Variants in TRANK1 observed in about 807,000 individuals in gnomAD.
TRANK1 encodes TPR and ankyrin repeat-containing protein 1.
A neutral mutation model predicts 266.0 loss-of-function variants in TRANK1; 198 were observed. That is an observed-to-expected ratio of 0.74 (90% confidence interval 0.66 to 0.84). The LOEUF (loss-of-function observed/expected upper bound fraction) is 0.84. Among genes scored for constraint, TRANK1 ranks in the 40% least tolerant of loss-of-function variants. The probability of loss-of-function intolerance (pLI) is 0.00; values close to 1 mark genes in which losing one functional copy is unlikely to be tolerated. For missense variants in TRANK1, 3,326 were observed against 3,634.6 expected, an observed-to-expected ratio of 0.92 and a Z score of 2.18; for synonymous variants, 1,396 against 1,384.1, an observed-to-expected ratio of 1.01 and a Z score of -0.19.
At chr3:36,941,586 C>T (rs1246858446) in intron 1 of TRANK1, among the ~76,000 whole-genome samples, 1 of 151,882 alleles carries the variant, frequency 6.6e-6, no homozygotes, top group Non-Finnish European at 1.5e-5. Flanking sequence ...CCTTGCTAAC[C>T]TAAGGAGTGA....
intron 11 of TRANK1, among the ~76,000 whole-genome samples, chr3:36,860,227 T>C (rs768812961): frequency 1.1e-4 from 17 of 152,220 alleles, no homozygotes; most frequent in Non-Finnish European, 1.9e-4. Flanking sequence ...GGCCTATTTA[T>C]TCCCATTTTA....
chr3:36,871,031 A>C (rs2079301360), intron 9 of TRANK1, among the ~76,000 whole-genome samples: 1 of 152,010 alleles, frequency 6.6e-6, no homozygotes, highest in African/African-American at 2.4e-5. Context: ...ACTTAGGCCA[A>C]AGACTTTAAC....
intron 7 of TRANK1, among the ~76,000 whole-genome samples, chr3:36,890,516 C>T (rs182777786): frequency 1.3e-5 from 2 of 152,112 alleles, no homozygotes; most frequent in African/African-American, 2.4e-5. Flanking sequence ...TTTCTGTTGA[C>T]AAAGAGCAAC....
At chr3:36,879,809 TATGTA>T (rs1168884693) in intron 8 of TRANK1, among the ~76,000 whole-genome samples, 1 of 101,602 alleles carries the variant, frequency 9.8e-6, no homozygotes, top group Non-Finnish European at 1.9e-5. Flanking sequence ...TATACAAATA[TATGTA>T]AATATACAAA....
intron 1 of TRANK1, among the ~76,000 whole-genome samples, chr3:36,941,301 T>G (rs980404930): frequency 1.3e-5 from 2 of 152,118 alleles, no homozygotes; most frequent in Non-Finnish European, 1.5e-5. Flanking sequence ...AAGACAGATA[T>G]AGCTAAACCC....
chr3:36,935,445 CTTTTTTTTT>C (rs11374436), intron 1 of TRANK1, among the ~76,000 whole-genome samples: 1 of 83,720 alleles, frequency 1.2e-5, no homozygotes, highest in East Asian at 3.8e-4. Context: ...TGCCTGAATT[CTTTTTTTTT>C]TTTTTTTTTT....
At chr3:36,904,526 G>GA (rs60347042) in intron 2 of TRANK1, among the ~76,000 whole-genome samples, 23 of 144,410 alleles carry the variant, frequency 1.6e-4, no homozygotes, top group Admixed American at 4.1e-4. Flanking sequence ...CTCAAAAAAA[G>GA]AAAAAAAAAA....
chr3:36,907,220 G>A (rs1318869027), intron 2 of TRANK1, among the ~76,000 whole-genome samples: 1 of 152,110 alleles, frequency 6.6e-6, no homozygotes, highest in African/African-American at 2.4e-5. Flanking sequence ...GCACGATCTC[G>A]GCTCGCTGTA....
intron 15 of TRANK1, among the ~76,000 whole-genome samples, chr3:36,849,002 T>A (rs557348113): frequency 6.6e-6 from 1 of 152,202 alleles, no homozygotes; most frequent in East Asian, 1.9e-4. Flanking sequence ...GGTGGGGCCT[T>A]TTAGGAGTGC....
In TRANK1 at chr3:36,864,590, G is replaced by A. The variant is rs1000097432; in HGVS notation, c.1079-110C>T. The A allele has an allele frequency of 2.7e-5, 27 of 1,006,570 alleles. No individual in the cohort carries two copies. The African/African-American group carries it at 3.8e-4, about 14-fold the overall frequency. 62.4% of individuals were successfully genotyped at this position (1,006,570 alleles called of 1,614,324 possible). A position where few individuals can be genotyped will look rare whatever the true frequency, so the allele number is the denominator to read the frequency against. On this transcript the variant is annotated intron_variant, in intron 9 of 23. Coordinates refer to ENST00000645898, the MANE Select transcript of TRANK1 (RefSeq NM_001329998.2). The stretch of plus-strand genomic sequence containing the variant: ...TCCACATACTCACATGCTGTGCAGT[G>A]TGACTTGCTGCTCCTCTCATCAAGA...
chr3:36,842,526 A>C, intron 18 of TRANK1, 96 bp downstream of exon 18: 1 of 1,102,316 alleles, frequency 9.1e-7, no homozygotes, highest in Non-Finnish European at 1.4e-6. Flanking sequence ...CATTACGCTC[A>C]TCCTTTCCTG....
intron 1 of TRANK1, among the ~76,000 whole-genome samples, chr3:36,942,906 C>T (rs2080516556): frequency 6.6e-6 from 1 of 151,216 alleles, no homozygotes; most frequent in South Asian, 2.1e-4. Flanking sequence ...AATGGGCCGG[C>T]GTGGTGGCTC....
rs1437736017 is a variant in TRANK1, at chr3:36,857,107, G to T, written c.2615C>A (p.Thr872Asn). 1 of 1,613,940 alleles carries T rather than the reference G, an allele frequency of 6.2e-7. No individual in the cohort carries two copies. Among genetic ancestry groups the T allele is most frequent in the Admixed American group, 1.7e-5 (1 of 60,022 alleles). Residue 872 changes from threonine (T) to asparagine (N), a missense_variant, in exon 13 of 24, where the codon ACC becomes AAC. Transcript: ENST00000645898. This position sits in a 1 kb window ranked among gnomAD's most constrained non-coding sequence, Gnocchi z 4.3. The part of the protein sequence containing the change: ...AIQQLGNGEW[T>N]QGLQKRLKHL... ...CTTCAGTCGCTTCTGCAGGCCCTGG[G>T]TCCACTCGCCATTTCCCAGCTGCTG...
rs374332710 is a variant in TRANK1 at position 36,857,958 on chromosome 3, G to C, written c.1764C>G (p.Asp588Glu). Residue 588 changes from aspartate (D) to glutamate (E), a missense_variant, in exon 13 of 24, where the codon GAC becomes GAG. Asp to Glu is a conservative substitution (Grantham distance 45, BLOSUM62 2). Coordinates refer to ENST00000645898, the MANE Select transcript of TRANK1 (RefSeq NM_001329998.2). The surrounding 1 kb of genome is among the most constrained non-coding windows in gnomAD (Gnocchi z 4.3). ...TGTGCATCAGCGTGTTCCCATTGCT[G>C]TCCTGGACATTGGGGTTGAGGTAGT... ...EFDYLNPNVQ[D>E]SNGNTLMHIL... 86 of 1,601,460 alleles carry C rather than the reference G, an allele frequency of 5.4e-5. No homozygotes were observed. Among genetic ancestry groups the C allele is most frequent in the Non-Finnish European group, 6.9e-5 (81 of 1,179,774 alleles).
rs778250659 is a variant in TRANK1 at position 36,856,837 on chromosome 3, T to C, written c.2885A>G (p.Tyr962Cys). ...ADSIKAICNA[Y>C]NRGLSCVLRK... ...CAGGACACAGGACAAGCCCCGGTTGTAGGCATTGCAGATGGCCTTGATGGA... is the reference window on the plus strand; with the variant it reads ...CAGGACACAGGACAAGCCCCGGTTGCAGGCATTGCAGATGGCCTTGATGGA... Residue 962 changes from tyrosine (Y) to cysteine (C), a missense_variant, in exon 13 of 24, where the codon TAC becomes TGC. Transcript: ENST00000645898. The C allele has an allele frequency of 1.2e-6, 2 of 1,614,038 alleles. No homozygotes were observed. Among genetic ancestry groups the C allele is most frequent in the East Asian group, 4.5e-5 (2 of 44,886 alleles).
rs912066263 is a variant in TRANK1 at position 36,827,034 on chromosome 3, A to G, written c.*1241T>C. The G allele has an allele frequency of 6.7e-6, 1 of 149,830 alleles. No individual in the cohort carries two copies. The highest frequency in any genetic ancestry group is 2.2e-4 in the South Asian group (1 of 4,626). 9.3% of individuals were successfully genotyped at this position (149,830 alleles called of 1,614,324 possible). A position where few individuals can be genotyped will look rare whatever the true frequency, so the allele number is the denominator to read the frequency against. On this transcript the variant is annotated 3_prime_UTR_variant, in exon 24 of 24. Coordinates refer to ENST00000645898, the MANE Select transcript of TRANK1 (RefSeq NM_001329998.2). ...CATGAGCAGCAAAAGCAGCAGCAAC[A>G]TGGGGGGAAAGCTGGCTCTGCTGTG...
In TRANK1 at chr3:36,855,691, G is replaced by T. The variant is rs1397841322; in HGVS notation, c.4031C>A (p.Ala1344Glu). 2 of 1,613,780 alleles carry T rather than the reference G, an allele frequency of 1.2e-6. No homozygotes were observed. The highest frequency in any genetic ancestry group is 1.6e-4 in the Middle Eastern group (1 of 6,062). ...MTKGRTAYNPALIWKEIKSFL... is the reference protein window; with the variant it reads ...MTKGRTAYNPELIWKEIKSFL... ...AGATTTTATTTCTTTCCAAATCAGT[G>T]CAGGGTTGTAGGCAGTCCTCCCTTT... The change falls in exon 13 of 24, where the codon GCA (alanine) becomes GAA (glutamate). Residue 1344 changes from alanine to glutamate, a missense_variant. Ala to Glu is a moderately radical substitution (Grantham distance 107). Coordinates refer to ENST00000645898, the MANE Select transcript of TRANK1 (RefSeq NM_001329998.2).
intron 15 of TRANK1, 103 bp downstream of exon 15, chr3:36,851,616 T>C: frequency 1.5e-6 from 2 of 1,373,660 alleles, no homozygotes; most frequent in Non-Finnish European, 1.9e-6. Context: ...AACAGGAGCC[T>C]GTGATAAACT....
intron 8 of TRANK1, among the ~76,000 whole-genome samples, chr3:36,879,794 A>ATAAATATACAAATATATG (rs1559448761): frequency 0.015 from 686 of 46,748 alleles, 169 homozygotes; most frequent in East Asian, 0.05. Flanking sequence ...ATGTAAATAT[A>ATAAATATACAAATATATG]TAAATATACA....
Sources: gnomAD v4.1 joint callset for allele counts (sites outside exome capture counted in the v4.1 genomes callset) on GRCh38, gnomAD v4.1.1 for gene constraint, Gnocchi (gnomAD v3.1) non-coding constraint, MANE v1.5 for transcripts, NCBI Gene and HGNC (gene_info 2026-07-23, HGNC 2026-07-21) for gene names.